The following LYL1 variants were observed in gnomAD, a reference collection of about 807,000 sequenced individuals.
LYL1 encodes LYL1 basic helix-loop-helix family member.
LYL1 carries 4 observed loss-of-function variants against 11.1 expected under a neutral mutation model. That is an observed-to-expected ratio of 0.36 (90% CI 0.18 to 0.82). The LOEUF is 0.82. LYL1 is among the 40% of genes least tolerant of loss of function. The pLI, the probability that LYL1 is intolerant of heterozygous loss-of-function variation, is 0.49. For synonymous variants in LYL1, 179 were observed against 174.8 expected, an observed-to-expected ratio of 1.02 and a Z score of -0.19; for missense variants, 356 against 397.6, an observed-to-expected ratio of 0.90 and a Z score of 0.89.
intron 3 of LYL1, 61 bp downstream of exon 3, chr19:13,100,596 G>C: frequency 2.0e-6 from 3 of 1,486,708 alleles, no homozygotes; most frequent in South Asian, 1.1e-5. Flanking sequence ...CAGGCCTTCT[G>C]TGCACCCACA....
rs375885774 is a variant in LYL1 at position 13,101,181 on chromosome 19, C to T, written c.-10G>A. On this transcript the variant is annotated 5_prime_UTR_variant, in exon 2 of 4. Transcript: ENST00000264824. The surrounding 1 kb of genome is among the most constrained non-coding windows in gnomAD (Gnocchi z 5.1). ...CCTGAGGCGGGCACATGGACCCCGACGTGGGGGTACTCACCTGTGGGAAAG... is the reference window on the plus strand; with the variant it reads ...CCTGAGGCGGGCACATGGACCCCGATGTGGGGGTACTCACCTGTGGGAAAG... The T allele has an allele frequency of 1.0e-4, 143 of 1,415,604 alleles. No homozygotes were observed. The highest frequency in any genetic ancestry group is 4.4e-4 in the Middle Eastern group (2 of 4,516). The allele number at this position is 1,415,604 out of a possible 1,614,324, so 87.7% of individuals were successfully genotyped here. A position where few individuals can be genotyped will look rare whatever the true frequency, so the allele number is the denominator to read the frequency against.
In LYL1 at chr19:13,101,243, T is replaced by C; in HGVS notation, c.-24-48A>G. 1.4e-6 allele frequency: 1 copy of C among 732,064 alleles called. No homozygotes were observed. Among genetic ancestry groups the C allele is most frequent in the Non-Finnish European group, 2.0e-6 (1 of 501,354 alleles). The allele number at this position is 732,064 out of a possible 1,614,324, so 45.3% of individuals were successfully genotyped here. On this transcript the variant is annotated intron_variant, in intron 1 of 3. Transcript: ENST00000264824. This position sits in a 1 kb window ranked among gnomAD's most constrained non-coding sequence, Gnocchi z 5.1. ...TGGGGAGGAGGACTAGGTGCCCCGCTCCCACCTGCTTAGCTCAAGAAACCC... is the reference window on the plus strand; with the variant it reads ...TGGGGAGGAGGACTAGGTGCCCCGCCCCCACCTGCTTAGCTCAAGAAACCC...
Position 13,101,408 on chromosome 19 carries a change from A to T in LYL1, c.-24-213T>A. On this transcript the variant is annotated intron_variant, in intron 1 of 3. Transcript: ENST00000264824. The surrounding 1 kb of genome is among the most constrained non-coding windows in gnomAD (Gnocchi z 5.1). ...TACGTTAGAGTAGGAGGCGCCCCCC[A>T]GGTGCTAGGCAGCGCACTGTCCCTG... 2.3e-6 allele frequency: 1 copy of T among 426,226 alleles called. No individual in the cohort carries two copies. The highest frequency in any genetic ancestry group is 3.6e-5 in the East Asian group (1 of 27,916). The allele number at this position is 426,226 out of a possible 1,614,324, so 26.4% of individuals were successfully genotyped here.
rs775611060 is a variant in LYL1 at position 13,101,105 on chromosome 19, C to T, written c.67G>A (p.Ala23Thr). 2 of 1,489,554 alleles carry T rather than the reference C, an allele frequency of 1.3e-6. No individual in the cohort carries two copies. The highest frequency in any genetic ancestry group is 1.8e-6 in the Non-Finnish European group (2 of 1,122,746). The allele number at this position is 1,489,554 out of a possible 1,614,324, so 92.3% of individuals were successfully genotyped here. The change falls in exon 2 of 4, where the codon GCC becomes ACC. Residue 23 changes from alanine to threonine, a missense_variant. Coordinates refer to ENST00000264824, the MANE Select transcript of LYL1 (RefSeq NM_005583.5). The surrounding 1 kb of genome is among the most constrained non-coding windows in gnomAD (Gnocchi z 5.1). ...TMTEKAEMVC[A>T]PSPAPAPPPK... Reference sequence around the variant, plus strand: ...GGTGGGGCAGGCGCTGGGCTGGGGGCACACACCATCTCTGCCTTCTCAGTC... The same window carrying T: ...GGTGGGGCAGGCGCTGGGCTGGGGGTACACACCATCTCTGCCTTCTCAGTC...
Position 13,101,537 on chromosome 19 carries a change from G to A in LYL1, c.-24-342C>T, listed in dbSNP as rs912703662. ...GCAGCCTGGAGAGGGAACAAGACAG[G>A]GAGCCCCTAACTGATCCTGGGATCC... On this transcript the variant is annotated intron_variant, in intron 1 of 3. Coordinates refer to ENST00000264824, the MANE Select transcript of LYL1 (RefSeq NM_005583.5). The surrounding 1 kb of genome is among the most constrained non-coding windows in gnomAD (Gnocchi z 5.1). 1 of 270,768 alleles carries A rather than the reference G, an allele frequency of 3.7e-6. No individual in the cohort carries two copies. Among genetic ancestry groups the A allele is most frequent in the Non-Finnish European group, 6.9e-6 (1 of 143,998 alleles). 16.8% of individuals were successfully genotyped at this position (270,768 alleles called of 1,614,324 possible).
chr19:13,100,646 C>CCCA lies in LYL1; in HGVS notation c.427+8_427+10dup, dbSNP rs1491343772. The CCCA allele has an allele frequency of 6.2e-7, 1 of 1,614,016 alleles. No individual in the cohort carries two copies. The highest frequency in any genetic ancestry group is 1.3e-5 in the African/African-American group (1 of 75,050). On this transcript the variant is annotated intron_variant, in intron 3 of 3. Coordinates refer to ENST00000264824, the MANE Select transcript of LYL1 (RefSeq NM_005583.5). ...CATACAAACCCACAAGGCACACAAA[C>CCCA]CCACACTCACCCTCAGCCAGGTCCA...
chr19:13,100,989 T>G lies in LYL1; in HGVS notation c.183A>C (p.Pro61=). 1 of 1,481,586 alleles carries G rather than the reference T, an allele frequency of 6.7e-7. No individual in the cohort carries two copies. Among genetic ancestry groups the G allele is most frequent in the Non-Finnish European group, 9.0e-7 (1 of 1,116,552 alleles). The allele number at this position is 1,481,586 out of a possible 1,614,324, so 91.8% of individuals were successfully genotyped here. A position where few individuals can be genotyped will look rare whatever the true frequency, so the allele number is the denominator to read the frequency against. Residue 61 remains proline (P), a synonymous_variant, in exon 2 of 4, where the codon CCA becomes CCC. Transcript: ENST00000264824. ...SSPPRLPPGV[P]VISLGHSRPP... is the part of the protein sequence containing the mutation. ...GCCTGCTGTGGCCCAGGCTGATCACTGGTACACCAGGTGGCAGCCTGGGGG... is the reference window on the plus strand; with the variant it reads ...GCCTGCTGTGGCCCAGGCTGATCACGGGTACACCAGGTGGCAGCCTGGGGG...
rs1227152056 is a variant in LYL1, at chr19:13,101,909, T to A, written c.-25+622A>T. ...GACCCCACTGCCCAGTCCAGTCCAGTCATGCCCCAACCCTCCCTCTGGCTT... is the reference window on the plus strand; with the variant it reads ...GACCCCACTGCCCAGTCCAGTCCAGACATGCCCCAACCCTCCCTCTGGCTT... On this transcript the variant is annotated intron_variant, in intron 1 of 3. Coordinates refer to ENST00000264824, the MANE Select transcript of LYL1 (RefSeq NM_005583.5). The surrounding 1 kb of genome is among the most constrained non-coding windows in gnomAD (Gnocchi z 5.1). The A allele has an allele frequency of 8.6e-6, 2 of 232,180 alleles. No homozygotes were observed. The highest frequency in any genetic ancestry group is 1.7e-5 in the Non-Finnish European group (2 of 117,480). 14.4% of individuals were successfully genotyped at this position (232,180 alleles called of 1,614,324 possible). A position where few individuals can be genotyped will look rare whatever the true frequency, so the allele number is the denominator to read the frequency against.
At position 13,101,059 on chromosome 19, in the gene LYL1, C is replaced by T. The variant is rs1166467555; in HGVS notation, c.113G>A (p.Gly38Glu). ...PAPPPKPASP[G>E]PPQVEEVGHR... Reference sequence around the variant, plus strand: ...GCCCACCTCCTCCACCTGCGGGGGCCCAGGCGAGGCAGGCTTAGGGGGTGG... The same window carrying T: ...GCCCACCTCCTCCACCTGCGGGGGCTCAGGCGAGGCAGGCTTAGGGGGTGG... The change falls in exon 2 of 4, where the codon GGG (glycine) becomes GAG (glutamate). Residue 38 changes from glycine to glutamate, a missense_variant. Coordinates refer to ENST00000264824, the MANE Select transcript of LYL1 (RefSeq NM_005583.5). The surrounding 1 kb of genome is among the most constrained non-coding windows in gnomAD (Gnocchi z 5.1). 4 of 1,490,182 alleles carry T rather than the reference C, an allele frequency of 2.7e-6. No homozygotes were observed. The African/African-American group carries it at 4.2e-5, about 16-fold the overall frequency. The allele number at this position is 1,490,182 out of a possible 1,614,324, so 92.3% of individuals were successfully genotyped here. A position where few individuals can be genotyped will look rare whatever the true frequency, so the allele number is the denominator to read the frequency against.
At position 13,099,366 on chromosome 19, in the gene LYL1, G is replaced by A. The variant is rs768595898; in HGVS notation, c.796C>T (p.Arg266Trp). The A allele has an allele frequency of 3.9e-6, 5 of 1,277,972 alleles. No homozygotes were observed. The highest frequency in any genetic ancestry group is 3.4e-5 in the Admixed American group (1 of 29,450). The allele number at this position is 1,277,972 out of a possible 1,614,324, so 79.2% of individuals were successfully genotyped here. Residue 266 changes from arginine to tryptophan, a missense_variant, in exon 4 of 4, where the codon CGG (arginine) becomes TGG (tryptophan). Physicochemically the swap from Arg to Trp is moderately radical, Grantham distance 101. Coordinates refer to ENST00000264824, the MANE Select transcript of LYL1 (RefSeq NM_005583.5). This position sits in a 1 kb window ranked among gnomAD's most constrained non-coding sequence, Gnocchi z 5.3. ...DPDGSPGGAA[R>W]PIKMEQTALS... ...GCGGTTTGCTCCATCTTGATGGGCC[G>A]GGCCGCTCCACCGGGGCTGCCGTCG...
In LYL1 at chr19:13,100,583, G is replaced by A. The variant is rs758835291; in HGVS notation, c.427+74C>T. ...ACAGACATGAGCCCCACACAGAGAC[G>A]GCCAGGCCTTCTGTGCACCCACAAG... On this transcript the variant is annotated intron_variant, in intron 3 of 3. Transcript: ENST00000264824. The A allele has an allele frequency of 2.0e-5, 27 of 1,364,842 alleles. No homozygotes were observed. The South Asian group carries it at 2.6e-4, about 13-fold the overall frequency. The allele number at this position is 1,364,842 out of a possible 1,614,324, so 84.5% of individuals were successfully genotyped here.
Position 13,101,310 on chromosome 19 carries a change from A to G in LYL1, c.-24-115T>C, listed in dbSNP as rs1003391. On this transcript the variant is annotated intron_variant, in intron 1 of 3. Coordinates refer to ENST00000264824, the MANE Select transcript of LYL1 (RefSeq NM_005583.5). The surrounding 1 kb of genome is among the most constrained non-coding windows in gnomAD (Gnocchi z 5.1). Reference sequence around the variant, plus strand: ...GGAGGGGGAGGGGGAAAGGAGGAGGAGAGAAGTTTCAGTAGGCAAAGGCAG... The same window carrying G: ...GGAGGGGGAGGGGGAAAGGAGGAGGGGAGAAGTTTCAGTAGGCAAAGGCAG... 373,749 of 406,310 alleles carry G rather than the reference A, an allele frequency of 0.92. 172,360 individuals are homozygous for G. The highest frequency in any genetic ancestry group is 0.98 in the African/African-American group (46,787 of 47,738). The allele number at this position is 406,310 out of a possible 1,614,324, so 25.2% of individuals were successfully genotyped here.
Position 13,102,303 on chromosome 19 carries a change from T to C in LYL1, c.-25+228A>G, listed in dbSNP as rs1311973980. 9.9e-6 allele frequency: 2 copies of C among 201,340 alleles called. No individual in the cohort carries two copies. Among genetic ancestry groups the C allele is most frequent in the East Asian group, 1.5e-4 (2 of 13,288 alleles). The allele number at this position is 201,340 out of a possible 1,614,324, so 12.5% of individuals were successfully genotyped here. ...CGATCATCCACAGTTTTGCATACTG[T>C]TTTGACATCCCTGTTTGCTCTTGGT... On this transcript the variant is annotated intron_variant, in intron 1 of 3. Transcript: ENST00000264824. The surrounding 1 kb of genome is among the most constrained non-coding windows in gnomAD (Gnocchi z 4.9).
chr19:13,101,124 C>T lies in LYL1; in HGVS notation c.48G>A (p.Glu16=), dbSNP rs762162133. 6 of 1,482,576 alleles carry T rather than the reference C, an allele frequency of 4.0e-6. No individual in the cohort carries two copies. Among genetic ancestry groups the T allele is most frequent in the African/African-American group, 1.4e-5 (1 of 70,570 alleles). 91.8% of individuals were successfully genotyped at this position (1,482,576 alleles called of 1,614,324 possible). A position where few individuals can be genotyped will look rare whatever the true frequency, so the allele number is the denominator to read the frequency against. Residue 16 remains glutamate, a synonymous_variant, in exon 2 of 4, where the codon GAG becomes GAA. Coordinates refer to ENST00000264824, the MANE Select transcript of LYL1 (RefSeq NM_005583.5). This position sits in a 1 kb window ranked among gnomAD's most constrained non-coding sequence, Gnocchi z 5.1. The part of the protein sequence containing the change: ...AQAEVGPTMT[E]KAEMVCAPSP... ...TGGGGGCACACACCATCTCTGCCTT[C>T]TCAGTCATGGTGGGGCCCACCTCTG... is the stretch of plus-strand genomic sequence containing the variant.
rs1449312608 is a variant in LYL1, at chr19:13,102,690, G to C, written c.-184C>G. On this transcript the variant is annotated 5_prime_UTR_variant, in exon 1 of 4. Coordinates refer to ENST00000264824, the MANE Select transcript of LYL1 (RefSeq NM_005583.5). This position sits in a 1 kb window ranked among gnomAD's most constrained non-coding sequence, Gnocchi z 4.9. ...CCCCGGCGTTGGGCCGCGCCTCCTCGTGGGCCTCGGAAGGCCAGGATAGCC... is the reference window on the plus strand; with the variant it reads ...CCCCGGCGTTGGGCCGCGCCTCCTCCTGGGCCTCGGAAGGCCAGGATAGCC... 1 of 160,684 alleles carries C rather than the reference G, an allele frequency of 6.2e-6. No individual in the cohort carries two copies. Among genetic ancestry groups the C allele is most frequent in the East Asian group, 1.4e-4 (1 of 7,156 alleles). 10.0% of individuals were successfully genotyped at this position (160,684 alleles called of 1,614,324 possible).
At chr19:13,100,013 G>A (rs562164593) in intron 3 of LYL1, among the ~76,000 whole-genome samples, 1 of 144,610 alleles carries the variant, frequency 6.9e-6, no homozygotes, top group Non-Finnish European at 1.6e-5. Flanking sequence ...ATTTCCTTGT[G>A]TTTGTTTGGT....
rs1184456504 is a variant in LYL1 at position 13,099,088 on chromosome 19, G to A, written c.*231C>T. 2 of 382,286 alleles carry A rather than the reference G, an allele frequency of 5.2e-6. No individual in the cohort carries two copies. Among genetic ancestry groups the A allele is most frequent in the South Asian group, 1.4e-4 (1 of 7,026 alleles). 23.7% of individuals were successfully genotyped at this position (382,286 alleles called of 1,614,324 possible). A position where few individuals can be genotyped will look rare whatever the true frequency, so the allele number is the denominator to read the frequency against. On this transcript the variant is annotated 3_prime_UTR_variant, in exon 4 of 4. Transcript: ENST00000264824. This position sits in a 1 kb window ranked among gnomAD's most constrained non-coding sequence, Gnocchi z 5.3. ...CGACCTCGCCCCTGGGAAGGGGACC[G>A]GGCAAGGCCACTTCCAGAGGGTTGT...
chr19:13,100,956 C>A lies in LYL1; in HGVS notation c.216G>T (p.Gly72=). ...VISLGHSRPP[G]VAMPTTELGT... is the part of the protein sequence containing the mutation. ...CCAGCTCTGTGGTGGGCATGGCTAC[C>A]CCTGGGGGCCTGCTGTGGCCCAGGC... Residue 72 remains glycine, a synonymous_variant, in exon 2 of 4, where the codon GGG becomes GGT. Transcript: ENST00000264824. The A allele has an allele frequency of 6.6e-7, 1 of 1,509,116 alleles. No homozygotes were observed. The highest frequency in any genetic ancestry group is 2.4e-5 in the East Asian group (1 of 42,492). The allele number at this position is 1,509,116 out of a possible 1,614,324, so 93.5% of individuals were successfully genotyped here. A position where few individuals can be genotyped will look rare whatever the true frequency, so the allele number is the denominator to read the frequency against.
rs1449336918 is a variant in LYL1 at position 13,099,334 on chromosome 19, G to A, written c.828C>T (p.Ser276=). The A allele has an allele frequency of 1.3e-5, 17 of 1,281,894 alleles. No individual in the cohort carries two copies. The East Asian group carries it at 4.9e-4, about 37-fold the overall frequency. 79.4% of individuals were successfully genotyped at this position (1,281,894 alleles called of 1,614,324 possible). ...RPIKMEQTAL[S]PEVR is the part of the protein sequence containing the mutation. ...CCGCGTGCGGTCACCGCACCTCTGG[G>A]CTCAAAGCGGTTTGCTCCATCTTGA... Residue 276 remains serine, a synonymous_variant, in exon 4 of 4, where the codon AGC becomes AGT. Transcript: ENST00000264824. The surrounding 1 kb of genome is among the most constrained non-coding windows in gnomAD (Gnocchi z 5.3).
Sources: allele counts gnomAD v4.1 joint callset (sites outside exome capture counted in the v4.1 genomes callset), GRCh38; gene constraint gnomAD v4.1.1; non-coding constraint Gnocchi (gnomAD v3.1); transcripts MANE v1.5; gene names NCBI Gene and HGNC (gene_info 2026-07-23, HGNC 2026-07-21).